FSTL4: variants seen among roughly 807,000 people sequenced by gnomAD.
The protein encoded by FSTL4 is follistatin like 4, also known as follistatin-related protein 4.
A neutral mutation model predicts 78.2 loss-of-function variants in FSTL4; 28 were observed. The observed-to-expected ratio is 0.36, with a 90% CI of 0.27 to 0.49. The LOEUF is 0.49. Ranked by LOEUF, FSTL4 falls within the 20% of genes least tolerant of loss-of-function variation. The probability of loss-of-function intolerance (pLI) is 0.98; values close to 1 mark genes in which losing one functional copy is unlikely to be tolerated. For missense variants in FSTL4, 922 were observed against 1,084.9 expected, an observed-to-expected ratio of 0.85 and a Z score of 2.11; for synonymous variants, 422 against 440.5, an observed-to-expected ratio of 0.96 and a Z score of 0.53.
chr5:133,454,846 GAC>G (rs531482648), intron 3 of FSTL4, among the ~76,000 whole-genome samples: 191 of 152,298 alleles, frequency 1.3e-3, no homozygotes, highest in African/African-American at 4.5e-3. Context: ...CAATTTCTGA[GAC>G]CCCAAGATGT....
chr5:133,819,087 A>G, the FSTL4 span, among the ~76,000 whole-genome samples: 3 of 150,176 alleles, frequency 2.0e-5, 1 homozygote, highest in African/African-American at 4.9e-5. Context: ...TCCTTTCTCA[A>G]TGCTGGGTCG....
At chr5:133,453,634 C>A (rs1757424191) in intron 3 of FSTL4, among the ~76,000 whole-genome samples, 1 of 152,218 alleles carries the variant, frequency 6.6e-6, no homozygotes, top group South Asian at 2.1e-4. Context: ...AGAGAAGGAA[C>A]AAGCCACCTT....
At chr5:133,295,354 C>CA (rs1753366688) in intron 6 of FSTL4, among the ~76,000 whole-genome samples, 1 of 152,158 alleles carries the variant, frequency 6.6e-6, no homozygotes, top group Non-Finnish European at 1.5e-5. Flanking sequence ...CTCGCCTACT[C>CA]AAAGAAGTCA....
intron 3 of FSTL4, among the ~76,000 whole-genome samples, chr5:133,556,141 A>C (rs1007771045): frequency 2.0e-5 from 3 of 152,224 alleles, no homozygotes; most frequent in Non-Finnish European, 4.4e-5. Context: ...TATTTCAATC[A>C]GAATTACACA....
chr5:133,646,799 G>T, the FSTL4 span, among the ~76,000 whole-genome samples: 2 of 151,894 alleles, frequency 1.3e-5, no homozygotes, highest in Non-Finnish European at 2.9e-5. Context: ...GATAAGAAGG[G>T]GTGAGGAAGA....
the FSTL4 span, among the ~76,000 whole-genome samples, chr5:133,620,928 AC>A: frequency 9.7e-3 from 1,473 of 152,352 alleles, 27 homozygotes; most frequent in African/African-American, 0.034. Flanking sequence ...CAGGTTATCT[AC>A]CCAGAGGAAA....
the FSTL4 span, among the ~76,000 whole-genome samples, chr5:133,632,079 T>C: frequency 6.6e-6 from 1 of 152,174 alleles, no homozygotes; most frequent in African/African-American, 2.4e-5. Flanking sequence ...CAAACCACCA[T>C]GGCACATGTA....
chr5:133,480,758 C>T (rs1433897652), intron 3 of FSTL4, among the ~76,000 whole-genome samples: 1 of 152,108 alleles, frequency 6.6e-6, no homozygotes, highest in Non-Finnish European at 1.5e-5. Context: ...CCGGATGCTG[C>T]CACCCCAGCT....
chr5:133,214,020 T>C (rs1249936542), intron 13 of FSTL4, among the ~76,000 whole-genome samples: 1 of 152,166 alleles, frequency 6.6e-6, no homozygotes, highest in African/African-American at 2.4e-5. Flanking sequence ...GGATATTTTG[T>C]AAGAATAAAA....
chr5:133,346,627 CT>C (rs1409642719), intron 4 of FSTL4, among the ~76,000 whole-genome samples: 6 of 152,122 alleles, frequency 3.9e-5, no homozygotes, highest in Non-Finnish European at 8.8e-5. Context: ...TCATTCCCCC[CT>C]GCTTCTGTCT....
intron 3 of FSTL4, among the ~76,000 whole-genome samples, chr5:133,437,038 G>C (rs1169141433): frequency 6.6e-6 from 1 of 152,228 alleles, no homozygotes; most frequent in African/African-American, 2.4e-5. Flanking sequence ...AGGTGACAAA[G>C]ATGGCTCAAA....
chr5:133,225,290 G>C lies in FSTL4; in HGVS notation c.1178-6C>G, dbSNP rs1028564904. 3 of 1,614,188 alleles carry C rather than the reference G, an allele frequency of 1.9e-6. No homozygotes were observed. The highest frequency in any genetic ancestry group is 1.7e-5 in the Admixed American group (1 of 60,036). ...GTGGAGTTCGCTCCCATTGGCTGCA[G>C]ACAGGACAGTGCTCAGGGTGGACTG... is the stretch of plus-strand genomic sequence containing the variant. On this transcript the variant is annotated splice_region_variant and splice_polypyrimidine_tract_variant and intron_variant, in intron 9 of 15. Transcript: ENST00000265342. This position sits in a 1 kb window ranked among gnomAD's most constrained non-coding sequence, Gnocchi z 4.6.
At chr5:133,839,826 G>A in the FSTL4 span, among the ~76,000 whole-genome samples, 1 of 152,138 alleles carries the variant, frequency 6.6e-6, no homozygotes, top group East Asian at 1.9e-4. Context: ...TTTTCCACCT[G>A]CCAGTAACAC....
chr5:133,396,557 C>T (rs963049451), intron 4 of FSTL4, among the ~76,000 whole-genome samples: 1 of 152,164 alleles, frequency 6.6e-6, no homozygotes, highest in African/African-American at 2.4e-5. Context: ...AAGTGAGTCT[C>T]CCGCTGAGAG....
rs1011736224 is a variant in FSTL4, at chr5:133,239,181, G to A, written c.895-5644C>T. 2.5e-4 allele frequency among the ~76,000 whole-genome samples: 38 copies of A among 152,198 alleles called. No homozygotes were observed. The East Asian group carries it at 3.1e-3, about 12-fold the overall frequency. ...TGCCGGGCCTTAGCTGCCTCCCTGCGGGGCAAGGCTCAGGATCTGCAGCCC... is the reference window on the plus strand; with the variant it reads ...TGCCGGGCCTTAGCTGCCTCCCTGCAGGGCAAGGCTCAGGATCTGCAGCCC... On this transcript the variant is annotated intron_variant, in intron 7 of 15. Transcript: ENST00000265342.
At chr5:133,756,197 G>A in the FSTL4 span, among the ~76,000 whole-genome samples, 2 of 152,048 alleles carry the variant, frequency 1.3e-5, no homozygotes, top group Admixed American at 1.3e-4. Flanking sequence ...AGACACCTCA[G>A]GCAAGGCATT....
chr5:133,495,196 T>C (rs557454122), intron 3 of FSTL4, among the ~76,000 whole-genome samples: 2 of 152,212 alleles, frequency 1.3e-5, no homozygotes, highest in South Asian at 4.1e-4. Context: ...GATGGGAGAA[T>C]CGTGCTATTA....
chr5:133,541,166 C>T (rs375517761), intron 3 of FSTL4, among the ~76,000 whole-genome samples: 40 of 152,320 alleles, frequency 2.6e-4, no homozygotes, highest in East Asian at 1.9e-3. Context: ...CAACAACAAG[C>T]GTTGCATTAT....
chr5:133,704,001 T>A, the FSTL4 span, among the ~76,000 whole-genome samples: 1 of 152,298 alleles, frequency 6.6e-6, no homozygotes, highest in African/African-American at 2.4e-5. Flanking sequence ...CAAAACACAC[T>A]TGTGGATACC....
Sources: gnomAD v4.1 joint callset for allele counts (sites outside exome capture counted in the v4.1 genomes callset) on GRCh38, gnomAD v4.1.1 for gene constraint, Gnocchi (gnomAD v3.1) non-coding constraint, MANE v1.5 for transcripts, NCBI Gene and HGNC (gene_info 2026-07-23, HGNC 2026-07-21) for gene names.